Variants in NAT2 observed in about 807,000 individuals in gnomAD.
NAT2 encodes arylamine N-acetyltransferase 2.
For synonymous variants in NAT2, 137 were observed against 125.9 expected, an observed-to-expected ratio of 1.09 and a Z score of -0.59; for missense variants, 428 against 339.1, an observed-to-expected ratio of 1.26 and a Z score of -2.06.
chr8:18,387,377 C>G (rs761271665), upstream of NAT2: 1 of 152,718 alleles, frequency 6.5e-6, no homozygotes, highest in Admixed American at 6.5e-5. Context: ...GGCCCCTTCA[C>G]GTTGGCCTCC....
At chr8:18,393,342 G>A (rs181031065) in intron 1 of NAT2, among the ~76,000 whole-genome samples, 2 of 152,188 alleles carry the variant, frequency 1.3e-5, no homozygotes, top group Admixed American at 1.3e-4. Context: ...CCTTGGTTTT[G>A]AGGTGAGATC....
intron 1 of NAT2, 120 bp from the exon 2 acceptor site, chr8:18,399,878 C>A: frequency 8.8e-7 from 1 of 1,130,576 alleles, no homozygotes. Context: ...ATTACTATGA[C>A]AGATACTTAT....
At chr8:18,393,451 A>T (rs1319115057) in intron 1 of NAT2, among the ~76,000 whole-genome samples, 1 of 152,136 alleles carries the variant, frequency 6.6e-6, no homozygotes, top group Admixed American at 6.5e-5. Flanking sequence ...AGTAGGAGGC[A>T]TTTCTGTAGA....
rs190211294 is a variant in NAT2, at chr8:18,393,107, A to G, written c.-7+1762A>G. Among the ~76,000 whole-genome samples, 16 of 151,972 alleles carry G rather than the reference A, an allele frequency of 1.1e-4. No homozygotes were observed. In the East Asian group the frequency reaches 2.9e-3, roughly 28 times the overall value. On this transcript the variant is annotated intron_variant, in intron 1 of 1. Coordinates refer to ENST00000286479, the MANE Select transcript of NAT2 (RefSeq NM_000015.3). ...GTTGGCCAGTGGAAACCATTTTTAA[A>G]TATGTCAAAGAAATATATTTGAGGG...
At chr8:18,393,582 C>T (rs1359979948) in intron 1 of NAT2, among the ~76,000 whole-genome samples, 3 of 152,144 alleles carry the variant, frequency 2.0e-5, no homozygotes, top group Admixed American at 6.5e-5. Context: ...CCCAGATTTC[C>T]CTGGAAGTTC....
At chr8:18,386,709 A>C (rs1585133052), upstream of NAT2, among the ~76,000 whole-genome samples, 2 of 151,902 alleles carry the variant, frequency 1.3e-5, no homozygotes, top group African/African-American at 4.8e-5. Context: ...GTCTCACCCC[A>C]AACTCCTCCC....
rs756858973 is a variant in NAT2 at position 18,401,136 on chromosome 8, G to T, written c.*260G>T. 9.1e-6 allele frequency: 3 copies of T among 329,768 alleles called. No individual in the cohort carries two copies. Among genetic ancestry groups the T allele is most frequent in the African/African-American group, 2.1e-5 (1 of 46,716 alleles). The allele number at this position is 329,768 out of a possible 1,614,324, so 20.4% of individuals were successfully genotyped here. On this transcript the variant is annotated 3_prime_UTR_variant, in exon 2 of 2. Coordinates refer to ENST00000286479, the MANE Select transcript of NAT2 (RefSeq NM_000015.3). Reference sequence around the variant, plus strand: ...TATCTTGGGAAGCAGAGTGATTCATGCTAGAAAACATTTAATATTGATTTA... The same window carrying T: ...TATCTTGGGAAGCAGAGTGATTCATTCTAGAAAACATTTAATATTGATTTA...
Position 18,396,105 on chromosome 8 carries a change from A to G in NAT2, c.-6-3893A>G, listed in dbSNP as rs190819202. On this transcript the variant is annotated intron_variant, in intron 1 of 1. Coordinates refer to ENST00000286479, the MANE Select transcript of NAT2 (RefSeq NM_000015.3). Reference sequence around the variant, plus strand: ...AAAGTTAGCATTAATAAAATCTTACAAACAAATCTATTTAATTAGTTGTAA... The same window carrying G: ...AAAGTTAGCATTAATAAAATCTTACGAACAAATCTATTTAATTAGTTGTAA... 4.2e-3 allele frequency among the ~76,000 whole-genome samples: 641 copies of G among 152,160 alleles called. 6 individuals carry two copies. The highest frequency in any genetic ancestry group is 0.015 in the African/African-American group (613 of 41,542).
At chr8:18,387,601 C>G (rs1800525393), upstream of NAT2, 1 of 153,236 alleles carries the variant, frequency 6.5e-6, no homozygotes, top group African/African-American at 2.4e-5. Context: ...GGCTTGATCG[C>G]CGCCCCGGCC....
chr8:18,396,391 T>C (rs1298359394), intron 1 of NAT2, among the ~76,000 whole-genome samples: 4 of 152,220 alleles, frequency 2.6e-5, no homozygotes, highest in Non-Finnish European at 5.9e-5. Context: ...TTTGTCCACA[T>C]TTTTAACTTA....
At chr8:18,397,320 A>G (rs1563249130) in intron 1 of NAT2, among the ~76,000 whole-genome samples, 1 of 152,178 alleles carries the variant, frequency 6.6e-6, no homozygotes, top group Non-Finnish European at 1.5e-5. Flanking sequence ...CAAAGTAAAA[A>G]GGAACCAGTA....
upstream of NAT2, among the ~76,000 whole-genome samples, chr8:18,389,586 A>G (rs1055653385): frequency 8.5e-5 from 13 of 152,368 alleles, no homozygotes; most frequent in Middle Eastern, 3.4e-3. Context: ...CTAACACCAA[A>G]TGTCAATCAG....
chr8:18,387,198 T>A (rs1800517959), upstream of NAT2: 1 of 152,350 alleles, frequency 6.6e-6, no homozygotes, highest in Non-Finnish European at 1.5e-5. Flanking sequence ...TCTTCCTGCT[T>A]AGGTTTTGGC....
In NAT2 at chr8:18,400,715, A is replaced by G; in HGVS notation, c.712A>G (p.Ile238Val). Reference protein sequence around the residue: ...PEGVYCLVGFILTYRKFNYKD... With the variant: ...PEGVYCLVGFVLTYRKFNYKD... ...AGGGGTTTACTGTTTGGTGGGCTTC[A>G]TCCTCACCTATAGAAAATTCAATTA... The change falls in exon 2 of 2, where the codon ATC (isoleucine) becomes GTC (valine). Residue 238 changes from isoleucine (I) to valine (V), a missense_variant. Transcript: ENST00000286479. The G allele has an allele frequency of 1.2e-6, 2 of 1,613,868 alleles. No individual in the cohort carries two copies. Among genetic ancestry groups the G allele is most frequent in the Non-Finnish European group, 1.7e-6 (2 of 1,179,964 alleles).
chr8:18,390,553 ATTG>A (rs1800576338), upstream of NAT2, among the ~76,000 whole-genome samples: 1 of 152,218 alleles, frequency 6.6e-6, no homozygotes, highest in Admixed American at 6.5e-5. Context: ...AATATATACA[ATTG>A]TTATGTGTCA....
intron 1 of NAT2, among the ~76,000 whole-genome samples, chr8:18,399,609 T>C (rs1182889170): frequency 6.6e-6 from 1 of 152,230 alleles, no homozygotes; most frequent in Admixed American, 6.5e-5. Flanking sequence ...TATACTCTAC[T>C]GTATAATTCT....
chr8:18,388,504 C>CAAAACAAAA (rs1800541097), upstream of NAT2, among the ~76,000 whole-genome samples: 1 of 78,486 alleles, frequency 1.3e-5, no homozygotes, highest in Non-Finnish European at 2.4e-5. Context: ...AGATAATAAG[C>CAAAACAAAA]AAAAAAAAAA....
chr8:18,392,385 G>C (rs1800605239), intron 1 of NAT2, among the ~76,000 whole-genome samples: 1 of 152,162 alleles, frequency 6.6e-6, no homozygotes, highest in African/African-American at 2.4e-5. Context: ...TTCAGTCTGT[G>C]GTCAAAGGTC....
chr8:18,394,788 T>G (rs1364284124), intron 1 of NAT2, among the ~76,000 whole-genome samples: 1 of 152,192 alleles, frequency 6.6e-6, no homozygotes, highest in Non-Finnish European at 1.5e-5. Flanking sequence ...TCCAGTCAAA[T>G]CCTTGATTTT....
Sources: gnomAD v4.1 joint callset for allele counts (sites outside exome capture counted in the v4.1 genomes callset) on GRCh38, gnomAD v4.1.1 for gene constraint, MANE v1.5 for transcripts, NCBI Gene and HGNC (gene_info 2026-07-23, HGNC 2026-07-21) for gene names.